The following RBMS1 variants were observed in gnomAD, a reference collection of about 807,000 sequenced individuals.
RBMS1 encodes the protein RNA binding motif single stranded interacting protein 1.
A neutral mutation model predicts 62.3 loss-of-function variants in RBMS1; 17 were observed. The observed-to-expected ratio is 0.27, with a 90% CI of 0.19 to 0.41. The LOEUF (loss-of-function observed/expected upper bound fraction) is 0.41. RBMS1 is among the 10% of genes least tolerant of loss of function. The probability of loss-of-function intolerance (pLI) is 1.00; values close to 1 mark genes in which losing one functional copy is unlikely to be tolerated. For synonymous variants in RBMS1, 172 were observed against 170.0 expected, an observed-to-expected ratio of 1.01 and a Z score of -0.09; for missense variants, 334 against 504.5, an observed-to-expected ratio of 0.66 and a Z score of 3.24.
At chr2:160,279,841 A>C (rs548840859) in intron 10 of RBMS1, 2 of 152,336 alleles carry the variant, frequency 1.3e-5, no homozygotes, top group East Asian at 1.9e-4. Context: ...GGGGAAAGGT[A>C]ATGAATCCTC....
intron 1 of RBMS1, among the ~76,000 whole-genome samples, chr2:160,414,566 A>G (rs902427298): frequency 6.6e-6 from 1 of 152,220 alleles, no homozygotes; most frequent in Non-Finnish European, 1.5e-5. Context: ...CTCTCTATGA[A>G]GAAACATCCT....
chr2:160,303,334 C>T lies in RBMS1; in HGVS notation c.556G>A (p.Ala186Thr), dbSNP rs1689317553. ...AAGACTGGGCAGAAGGCTTACCTAG[C>T]AAAGCCAACACCACGACTTGTACCA... Reference protein sequence around the residue: ...SSGTSRGVGFARMESTEKCEA... With the variant: ...SSGTSRGVGFTRMESTEKCEA... Residue 186 changes from alanine to threonine, a missense_variant, in exon 5 of 14, where the codon GCT (alanine) becomes ACT (threonine). Ala to Thr is a moderately conservative substitution (Grantham distance 58). Around this residue, in one of 3 missense-constraint regions of RBMS1, gnomAD observed 150 missense variants for 228.0 expected, o/e 0.66. Coordinates refer to ENST00000348849, the MANE Select transcript of RBMS1 (RefSeq NM_016836.4). The T allele has an allele frequency of 1.3e-6, 2 of 1,599,892 alleles. No individual in the cohort carries two copies. The highest frequency in any genetic ancestry group is 1.7e-6 in the Non-Finnish European group (2 of 1,175,078).
chr2:160,311,245 T>TATATATAG (rs1689890243), intron 4 of RBMS1, among the ~76,000 whole-genome samples: 1 of 141,210 alleles, frequency 7.1e-6, no homozygotes, highest in Non-Finnish European at 1.5e-5. Context: ...TATATATATA[T>TATATATAG]ATATATATAT....
At chr2:160,375,505 G>A (rs6733297) in intron 1 of RBMS1, among the ~76,000 whole-genome samples, 104,305 of 152,072 alleles carry the variant, frequency 0.69, 36,296 homozygotes, top group East Asian at 0.82. Context: ...AATAACCATA[G>A]TAACTTAAGA....
intron 1 of RBMS1, among the ~76,000 whole-genome samples, chr2:160,441,582 G>A (rs1683413097): frequency 6.6e-6 from 1 of 152,154 alleles, no homozygotes; most frequent in African/African-American, 2.4e-5. Context: ...AAAATTATCT[G>A]GGTATAGTGG....
At chr2:160,430,571 G>A (rs1264135366) in intron 1 of RBMS1, among the ~76,000 whole-genome samples, 3 of 152,038 alleles carry the variant, frequency 2.0e-5, no homozygotes, top group Admixed American at 1.3e-4. Context: ...ATCAAGTATT[G>A]GTTAACAACT....
intron 2 of RBMS1, among the ~76,000 whole-genome samples, chr2:160,356,459 T>C (rs555688917): frequency 1.3e-5 from 2 of 152,140 alleles, no homozygotes; most frequent in East Asian, 3.9e-4. Context: ...AGGGTGCTGA[T>C]GAGGTAAAGA....
chr2:160,300,354 G>C (rs1689144736), intron 6 of RBMS1, among the ~76,000 whole-genome samples: 1 of 152,170 alleles, frequency 6.6e-6, no homozygotes, highest in Non-Finnish European at 1.5e-5. Context: ...TCAAATGAAG[G>C]GAGGTTCACT....
chr2:160,438,838 G>A (rs559452606), intron 1 of RBMS1, among the ~76,000 whole-genome samples: 35 of 152,118 alleles, frequency 2.3e-4, no homozygotes, highest in African/African-American at 3.4e-4. Context: ...AGGCGCGGCC[G>A]GGCAGAGGCG....
At chr2:160,435,280 T>G (rs1559546681) in intron 1 of RBMS1, among the ~76,000 whole-genome samples, 1 of 152,212 alleles carries the variant, frequency 6.6e-6, no homozygotes, top group African/African-American at 2.4e-5. Flanking sequence ...TACCAACAAT[T>G]TTTTAATCAT....
chr2:160,274,754 T>G lies in RBMS1; in HGVS notation c.*18A>C, dbSNP rs1485120930. 1.3e-5 allele frequency: 2 copies of G among 152,638 alleles called. No homozygotes were observed. Among genetic ancestry groups the G allele is most frequent in the Non-Finnish European group, 2.9e-5 (2 of 68,026 alleles). 9.5% of individuals were successfully genotyped at this position (152,638 alleles called of 1,614,324 possible). On this transcript the variant is annotated 3_prime_UTR_variant, in exon 14 of 14. Transcript: ENST00000348849. ...ACACCCTTCTTCATGTAAGAACACC[T>G]TTCTGTACATCTGGAAGAGAAAAAT... is the stretch of plus-strand genomic sequence containing the variant.
Position 160,385,100 on chromosome 2 carries a change from C to G in RBMS1, c.76-17709G>C, listed in dbSNP as rs111624510. ...CTTGAAGCCAAGCAGATGGTGGTGC[C>G]ATGCCTCCTGTACAGCCTGCAGAAC... On this transcript the variant is annotated intron_variant, in intron 1 of 13. Transcript: ENST00000348849. Among the ~76,000 whole-genome samples, 865 of 152,292 alleles carry G rather than the reference C, an allele frequency of 5.7e-3. 5 individuals carry two copies. The highest frequency in any genetic ancestry group is 0.013 in the Admixed American group (196 of 15,292).
At chr2:160,347,134 T>A (rs781116246) in intron 2 of RBMS1, among the ~76,000 whole-genome samples, 4 of 152,108 alleles carry the variant, frequency 2.6e-5, no homozygotes, top group Non-Finnish European at 4.4e-5. Flanking sequence ...AAAATCCACT[T>A]TGAGTATTAA....
chr2:160,427,374 T>C (rs1434431238), intron 1 of RBMS1, among the ~76,000 whole-genome samples: 3 of 152,030 alleles, frequency 2.0e-5, no homozygotes, highest in Non-Finnish European at 4.4e-5. Context: ...TCTATTTAAA[T>C]TGAGCTCACT....
At chr2:160,429,513 GA>G (rs1682800106) in intron 1 of RBMS1, among the ~76,000 whole-genome samples, 1 of 152,156 alleles carries the variant, frequency 6.6e-6, no homozygotes, top group African/African-American at 2.4e-5. Flanking sequence ...TAAAAACTAT[GA>G]TTGTAGTACA....
At chr2:160,456,406 G>A (rs988037990) in intron 1 of RBMS1, among the ~76,000 whole-genome samples, 1 of 152,016 alleles carries the variant, frequency 6.6e-6, no homozygotes, top group African/African-American at 2.4e-5. Context: ...GGAATTCTAG[G>A]GAAGTTTTTT....
At chr2:160,357,849 C>T (rs942480717) in intron 2 of RBMS1, among the ~76,000 whole-genome samples, 1 of 152,122 alleles carries the variant, frequency 6.6e-6, no homozygotes, top group African/African-American at 2.4e-5. Context: ...AAAGTATACA[C>T]AGAGGTATGA....
At chr2:160,350,063 A>G (rs1331635123) in intron 2 of RBMS1, among the ~76,000 whole-genome samples, 1 of 152,042 alleles carries the variant, frequency 6.6e-6, no homozygotes, top group Non-Finnish European at 1.5e-5. Flanking sequence ...CAAGGAGTCC[A>G]CTATGGCTGA....
At chr2:160,358,257 A>C (rs2106013794) in intron 2 of RBMS1, among the ~76,000 whole-genome samples, 1 of 152,246 alleles carries the variant, frequency 6.6e-6, no homozygotes, top group East Asian at 1.9e-4. Flanking sequence ...TCAACATGGA[A>C]CCTTACTGGA....
Sources: allele counts gnomAD v4.1 joint callset (sites outside exome capture counted in the v4.1 genomes callset), GRCh38; gene constraint gnomAD v4.1.1; regional missense constraint gnomAD v4.1.1; transcripts MANE v1.5; gene names NCBI Gene and HGNC (gene_info 2026-07-23, HGNC 2026-07-21).